DIAPH2: variants seen among roughly 807,000 people sequenced by gnomAD.
DIAPH2 encodes the protein diaphanous related formin 2, also known as protein diaphanous homolog 2.
A neutral mutation model predicts 92.7 loss-of-function variants in DIAPH2; 35 were observed. The observed-to-expected ratio is 0.38, with a 90% CI of 0.29 to 0.50. The LOEUF (loss-of-function observed/expected upper bound fraction) is 0.50, where lower values mean the gene tolerates loss of function less well. DIAPH2 is among the 20% of genes least tolerant of loss of function. The probability of loss-of-function intolerance (pLI) is 0.94; values close to 1 mark genes in which losing one functional copy is unlikely to be tolerated. For synonymous variants in DIAPH2, 301 were observed against 280.4 expected (o/e 1.07, Z -0.73); for missense variants, 701 against 819.5 (o/e 0.86, Z 1.77).
intron 26 of DIAPH2, among the ~76,000 whole-genome samples, chrX:97,476,653 T>TA (rs2070606014): frequency 9.1e-6 from 1 of 110,288 alleles, no homozygotes; most frequent in Non-Finnish European, 1.9e-5. Flanking sequence ...ATTGAATGAG[T>TA]AATACTGCTT....
At chrX:97,460,075 T>G (rs771651873) in intron 26 of DIAPH2, among the ~76,000 whole-genome samples, 35 of 111,735 alleles carry the variant, frequency 3.1e-4, no homozygotes, top group Non-Finnish European at 4.9e-4. Context: ...CCACAAAAAT[T>G]CAGGCCCGCA....
chrX:97,144,546 C>T (rs1287782486), intron 22 of DIAPH2, among the ~76,000 whole-genome samples: 1 of 107,939 alleles, frequency 9.3e-6, no homozygotes, highest in Non-Finnish European at 1.9e-5. Context: ...TCATATGTAC[C>T]CCATAAGTAT....
At chrX:97,082,123 A>T (rs944119070) in intron 19 of DIAPH2, among the ~76,000 whole-genome samples, 18 of 108,643 alleles carry the variant, frequency 1.7e-4, no homozygotes, top group Non-Finnish European at 2.1e-4. Context: ...AAAAAAAAAA[A>T]TTGAGCCTAT....
Position 96,829,462 on chromosome X carries a change from A to T in DIAPH2, c.448-52117A>T, listed in dbSNP as rs76701169. On this transcript the variant is annotated intron_variant, in intron 4 of 26. Coordinates refer to ENST00000324765, the MANE Select transcript of DIAPH2 (RefSeq NM_006729.5). ...ATATGTATATATATATATATATATA[A>T]AACAAGGCAAATGATTGTGTGTGTG... Among the ~76,000 whole-genome samples, 195 of 26,630 alleles carry T rather than the reference A, an allele frequency of 7.3e-3. 2 individuals are homozygous for T. The highest frequency in any genetic ancestry group is 9.5e-3 in the Non-Finnish European group (168 of 17,628). 23.1% of individuals were successfully genotyped at this position (26,630 alleles called of 115,157 possible).
At chrX:97,439,290 A>G (rs973403807) in intron 26 of DIAPH2, among the ~76,000 whole-genome samples, 1 of 111,352 alleles carries the variant, frequency 9.0e-6, no homozygotes, top group African/African-American at 3.3e-5. Flanking sequence ...AAAATTAGCC[A>G]GGGGTGGGGT....
intron 17 of DIAPH2, among the ~76,000 whole-genome samples, chrX:96,987,855 A>G (rs1390962387): frequency 4.5e-5 from 5 of 111,338 alleles, no homozygotes; most frequent in African/African-American, 1.3e-4. Context: ...ATAAGAGAAA[A>G]ACCAAGATAG....
At chrX:97,583,708 C>G (rs1260423769) in intron 26 of DIAPH2, among the ~76,000 whole-genome samples, 1 of 110,980 alleles carries the variant, frequency 9.0e-6, no homozygotes, top group Non-Finnish European at 1.9e-5. Context: ...CCACCCAGTT[C>G]GAGCTTCCTG....
chrX:97,079,973 A>G (rs1307333643), intron 19 of DIAPH2, among the ~76,000 whole-genome samples: 1 of 111,454 alleles, frequency 9.0e-6, no homozygotes, highest in South Asian at 3.8e-4. Context: ...TATATACCAG[A>G]CACCTGTATT....
At chrX:97,311,954 A>G (rs1249492789) in intron 23 of DIAPH2, among the ~76,000 whole-genome samples, 1 of 110,169 alleles carries the variant, frequency 9.1e-6, no homozygotes, top group Non-Finnish European at 1.9e-5. Flanking sequence ...CAGCCTCCCC[A>G]GTAGCTGGGA....
Position 97,322,050 on chromosome X carries a change from T to C in DIAPH2, c.2845-26066T>C, listed in dbSNP as rs991301895. On this transcript the variant is annotated intron_variant, in intron 23 of 26. Transcript: ENST00000324765. ...AAGTATTTGGATTAATAAATGTTAATGTCAAATCTAAAAGCCCACAGCAAT... is the reference window on the plus strand; with the variant it reads ...AAGTATTTGGATTAATAAATGTTAACGTCAAATCTAAAAGCCCACAGCAAT... Among the ~76,000 whole-genome samples the C allele has an allele frequency of 7.1e-5, 8 of 112,780 alleles. No individual in the cohort carries two copies. In the South Asian group the frequency reaches 1.8e-3, roughly 26 times the overall value.
rs138858352 is a variant in DIAPH2 at position 97,358,852 on chromosome X, G to A, written c.3009+10572G>A. 4.3e-3 allele frequency among the ~76,000 whole-genome samples: 481 copies of A among 111,785 alleles called. 3 individuals carry two copies. The highest frequency in any genetic ancestry group is 0.013 in the African/African-American group (416 of 30,833). ...TCCTTCCAGGCATTTTCCTATGCATGTACATAAGTATTTAGATTGTGAATT... is the reference window on the plus strand; with the variant it reads ...TCCTTCCAGGCATTTTCCTATGCATATACATAAGTATTTAGATTGTGAATT... On this transcript the variant is annotated intron_variant, in intron 24 of 26. Coordinates refer to ENST00000324765, the MANE Select transcript of DIAPH2 (RefSeq NM_006729.5).
chrX:96,722,130 C>A (rs970873904), intron 1 of DIAPH2, among the ~76,000 whole-genome samples: 3 of 111,496 alleles, frequency 2.7e-5, no homozygotes, highest in African/African-American at 6.5e-5. Flanking sequence ...CCAAGGAGGG[C>A]GGATCACCTG....
intron 26 of DIAPH2, among the ~76,000 whole-genome samples, chrX:97,489,723 G>C (rs1383369259): frequency 9.0e-6 from 1 of 111,458 alleles, no homozygotes; most frequent in East Asian, 2.8e-4. Context: ...TTCTATTAAT[G>C]TGGTGTAGCA....
chrX:96,818,045 G>T (rs1162862384), intron 4 of DIAPH2, among the ~76,000 whole-genome samples: 2 of 22,050 alleles, frequency 9.1e-5, no homozygotes, highest in African/African-American at 2.0e-4. Context: ...GCAGTGGCGC[G>T]ATCTCGGCTC....
chrX:97,305,837 A>G (rs951683972), intron 23 of DIAPH2, among the ~76,000 whole-genome samples: 80 of 108,054 alleles, frequency 7.4e-4, no homozygotes, highest in Non-Finnish European at 4.8e-4. Flanking sequence ...AAAAAAAAAA[A>G]AAAAGAAAGA....
At chrX:96,927,750 C>T (rs2065593833) in intron 9 of DIAPH2, among the ~76,000 whole-genome samples, 1 of 110,834 alleles carries the variant, frequency 9.0e-6, no homozygotes, top group Admixed American at 9.6e-5. Context: ...AGTGGGGTGG[C>T]AGAAGTAAAG....
intron 1 of DIAPH2, among the ~76,000 whole-genome samples, chrX:96,727,433 C>G (rs2064026672): frequency 9.0e-6 from 1 of 111,691 alleles, no homozygotes; most frequent in Non-Finnish European, 1.9e-5. Flanking sequence ...CCTACATATT[C>G]AAAATTTAAT....
intron 26 of DIAPH2, among the ~76,000 whole-genome samples, chrX:97,516,146 T>A (rs1392609674): frequency 1.8e-5 from 2 of 109,915 alleles, no homozygotes; most frequent in Non-Finnish European, 3.8e-5. Context: ...TCCCAGCTAC[T>A]CAAGAGGCTG....
chrX:96,952,694 C>T (rs770509871), intron 15 of DIAPH2, among the ~76,000 whole-genome samples: 1 of 110,630 alleles, frequency 9.0e-6, no homozygotes, highest in African/African-American at 3.3e-5. Context: ...GAGATTGTGC[C>T]ACTGCACTCC....
Sources: gnomAD v4.1 joint callset for allele counts (sites outside exome capture counted in the v4.1 genomes callset) on GRCh38, gnomAD v4.1.1 for gene constraint, MANE v1.5 for transcripts, NCBI Gene and HGNC (gene_info 2026-07-23, HGNC 2026-07-21) for gene names.